Variants in ZFAND3 observed in about 807,000 individuals in gnomAD.
The protein encoded by ZFAND3 is AN1-type zinc finger protein 3.
ZFAND3 carries 10 observed loss-of-function variants against 29.6 expected under a neutral mutation model. The ratio of observed to expected loss-of-function variants is 0.34; its 90% CI spans 0.21 to 0.57. The LOEUF (loss-of-function observed/expected upper bound fraction) is 0.57, where lower values mean the gene tolerates loss of function less well. ZFAND3 is among the 20% of genes least tolerant of loss of function. ZFAND3 has a pLI of 0.86. For synonymous variants in ZFAND3, 128 were observed against 112.6 expected (o/e 1.14, Z -0.87); for missense variants, 230 against 304.5 (o/e 0.76, Z 1.82).
At position 38,049,960 on chromosome 6, in the gene ZFAND3, T is replaced by TTTATTTTTA. The variant is rs1561980793; in HGVS notation, c.113-11631_113-11630insATTTTTATT. ...TAGGCAATTAATTTTTTTTTTTTTT[T>TTTATTTTTA]TTTTTTTTGGGGGAGACAGAGTCTC... On this transcript the variant is annotated intron_variant, in intron 2 of 5. Coordinates refer to ENST00000287218, the MANE Select transcript of ZFAND3 (RefSeq NM_021943.3). Among the ~76,000 whole-genome samples, 32 of 33,946 alleles carry TTTATTTTTA rather than the reference T, an allele frequency of 9.4e-4. 4 individuals are homozygous for TTTATTTTTA. In the East Asian group the frequency reaches 0.095, roughly 100 times the overall value. The allele number at this position is 33,946 out of a possible 152,430, so 22.3% of individuals were successfully genotyped here.
At chr6:37,892,624 T>G (rs1765124792) in intron 1 of ZFAND3, among the ~76,000 whole-genome samples, 1 of 151,962 alleles carries the variant, frequency 6.6e-6, no homozygotes, top group Admixed American at 6.6e-5. Flanking sequence ...AGAGCAGAAA[T>G]TAATAGAGAA....
intron 1 of ZFAND3, among the ~76,000 whole-genome samples, chr6:37,903,714 T>A (rs1403565181): frequency 6.6e-6 from 1 of 152,212 alleles, no homozygotes; most frequent in African/African-American, 2.4e-5. Flanking sequence ...ATAACTAAGG[T>A]AGGACTGATG....
At chr6:37,870,862 A>T (rs931294986) in intron 1 of ZFAND3, among the ~76,000 whole-genome samples, 1 of 152,060 alleles carries the variant, frequency 6.6e-6, no homozygotes, top group African/African-American at 2.4e-5. Flanking sequence ...AGTAATTCTT[A>T]TGATTGTTTT....
chr6:38,125,078 G>T (rs1765609949), intron 5 of ZFAND3, among the ~76,000 whole-genome samples: 1 of 152,202 alleles, frequency 6.6e-6, no homozygotes, highest in Non-Finnish European at 1.5e-5. Context: ...CTTTTGATGG[G>T]AGTTATTATA....
intron 1 of ZFAND3, 51 bp from the exon 2 acceptor site, chr6:37,929,908 G>T: frequency 6.5e-7 from 1 of 1,549,040 alleles, no homozygotes; most frequent in Non-Finnish European, 8.7e-7. Context: ...TGATTAGAGT[G>T]ATATGGAGTT....
intron 4 of ZFAND3, among the ~76,000 whole-genome samples, chr6:38,094,286 G>A (rs781183201): frequency 5.3e-5 from 8 of 151,856 alleles, no homozygotes; most frequent in Non-Finnish European, 8.8e-5. Context: ...GTTTATAGTG[G>A]GCCAAAGTAA....
At chr6:38,100,064 C>CTT (rs994008191) in intron 4 of ZFAND3, among the ~76,000 whole-genome samples, 7 of 146,812 alleles carry the variant, frequency 4.8e-5, no homozygotes, top group Non-Finnish European at 4.5e-5. Flanking sequence ...TTCTTTTTTT[C>CTT]TTTTTTTTTT....
rs577938761 is a variant in ZFAND3, at chr6:37,880,948, A to G, written c.72-49011A>G. 1.3e-3 allele frequency among the ~76,000 whole-genome samples: 194 copies of G among 151,754 alleles called. 1 individual carries two copies. Among genetic ancestry groups the G allele is most frequent in the African/African-American group, 1.8e-3 (73 of 41,406 alleles). ...GGTGGGTGCAGCGCACCAGCATGGC[A>G]CATGTATACATATGTAACTAACCTG... On this transcript the variant is annotated intron_variant, in intron 1 of 5. Coordinates refer to ENST00000287218, the MANE Select transcript of ZFAND3 (RefSeq NM_021943.3).
At chr6:38,135,797 A>G (rs1244492830) in intron 5 of ZFAND3, among the ~76,000 whole-genome samples, 1 of 152,100 alleles carries the variant, frequency 6.6e-6, no homozygotes, top group Non-Finnish European at 1.5e-5. Flanking sequence ...CTGTGTAGAC[A>G]GATGAGAGGT....
At chr6:37,981,193 A>C (rs925315062) in intron 2 of ZFAND3, among the ~76,000 whole-genome samples, 2 of 152,220 alleles carry the variant, frequency 1.3e-5, no homozygotes, top group African/African-American at 2.4e-5. Context: ...TAGGTAGAAC[A>C]ATTTTGGCTG....
intron 1 of ZFAND3, among the ~76,000 whole-genome samples, chr6:37,873,212 G>A (rs968111358): frequency 6.6e-6 from 1 of 152,198 alleles, no homozygotes; most frequent in Non-Finnish European, 1.5e-5. Flanking sequence ...CGAAGCTTGC[G>A]GTGAGCCGAG....
chr6:38,074,964 A>G (rs1466260514), intron 3 of ZFAND3, among the ~76,000 whole-genome samples: 1 of 152,216 alleles, frequency 6.6e-6, no homozygotes, highest in African/African-American at 2.4e-5. Flanking sequence ...CATTCACTGA[A>G]TATTTTAAGC....
intron 1 of ZFAND3, among the ~76,000 whole-genome samples, chr6:37,880,466 C>G (rs1764871693): frequency 6.6e-6 from 1 of 152,082 alleles, no homozygotes; most frequent in African/African-American, 2.4e-5. Context: ...CCAGAGATGT[C>G]CTGAAGTTGA....
intron 5 of ZFAND3, among the ~76,000 whole-genome samples, chr6:38,124,469 G>A (rs895754813): frequency 6.6e-6 from 1 of 152,180 alleles, no homozygotes; most frequent in African/African-American, 2.4e-5. Flanking sequence ...TGCAGGTCCT[G>A]AGCCCTGCCC....
chr6:37,878,356 G>A (rs546903646), intron 1 of ZFAND3, among the ~76,000 whole-genome samples: 1 of 152,228 alleles, frequency 6.6e-6, no homozygotes, highest in Non-Finnish European at 1.5e-5. Context: ...TGGACAGACA[G>A]AGGCAAGCCG....
intron 2 of ZFAND3, among the ~76,000 whole-genome samples, chr6:38,055,053 G>A (rs1324213883): frequency 6.6e-6 from 1 of 152,242 alleles, no homozygotes; most frequent in South Asian, 2.1e-4. Context: ...GGGTGGAGAG[G>A]GGATGGTGAG....
At chr6:38,111,464 A>G (rs1765314801) in intron 4 of ZFAND3, among the ~76,000 whole-genome samples, 1 of 152,226 alleles carries the variant, frequency 6.6e-6, no homozygotes, top group South Asian at 2.1e-4. Flanking sequence ...TCAACTGTGC[A>G]GGTCCACTAT....
chr6:38,052,317 T>C (rs987804172), intron 2 of ZFAND3, among the ~76,000 whole-genome samples: 5 of 152,172 alleles, frequency 3.3e-5, no homozygotes, highest in African/African-American at 9.6e-5. Flanking sequence ...GGAAGAAATT[T>C]TTATATGTGT....
Position 38,005,273 on chromosome 6 carries a change from G to A in ZFAND3, c.113-56320G>A, listed in dbSNP as rs187566216. On this transcript the variant is annotated intron_variant, in intron 2 of 5. Transcript: ENST00000287218. ...ACTCTCACTCTGCAGATCTGTCGAA[G>A]CATGTTTTGATAAAGAGTATTGAAG... is the stretch of plus-strand genomic sequence containing the variant. Among the ~76,000 whole-genome samples the A allele has an allele frequency of 2.0e-5, 3 of 152,258 alleles. No individual in the cohort carries two copies. In the East Asian group the frequency reaches 5.8e-4, roughly 29 times the overall value.
Sources: gnomAD v4.1 joint callset for allele counts (sites outside exome capture counted in the v4.1 genomes callset) on GRCh38, gnomAD v4.1.1 for gene constraint, MANE v1.5 for transcripts, NCBI Gene and HGNC (gene_info 2026-07-23, HGNC 2026-07-21) for gene names.